TCF7L2: variants seen among roughly 807,000 people sequenced by gnomAD.
The protein encoded by TCF7L2 is transcription factor 7-like 2.
TCF7L2 carries 23 observed loss-of-function variants against 77.9 expected under a neutral mutation model. The observed-to-expected ratio is 0.30, with a 90% CI of 0.21 to 0.42. The LOEUF is 0.42. Ranked by LOEUF, TCF7L2 falls within the 10% of genes least tolerant of loss-of-function variation. The pLI is 1.00. For synonymous variants in TCF7L2, 413 were observed against 340.2 expected (o/e 1.21, Z -2.36); for missense variants, 654 against 793.1 (o/e 0.82, Z 2.11).
intron 6 of TCF7L2, among the ~76,000 whole-genome samples, 182 bp downstream of exon 6, chr10:113,141,498 G>T (rs955699156): frequency 1.3e-5 from 2 of 152,166 alleles, no homozygotes; most frequent in African/African-American, 4.8e-5. Flanking sequence ...GTTGAGGCCT[G>T]GTGTGGCAGT....
At chr10:113,100,210 G>C (rs776644659) in intron 5 of TCF7L2, among the ~76,000 whole-genome samples, 1 of 152,208 alleles carries the variant, frequency 6.6e-6, no homozygotes, top group African/African-American at 2.4e-5. Flanking sequence ...AAAGCATCCC[G>C]AGAGCACGGG....
chr10:112,972,082 A>G (rs1003499123), intron 4 of TCF7L2, among the ~76,000 whole-genome samples: 1 of 152,030 alleles, frequency 6.6e-6, no homozygotes, highest in Non-Finnish European at 1.5e-5. Context: ...GTGATTTTCA[A>G]CCTATTGAAG....
intron 4 of TCF7L2, among the ~76,000 whole-genome samples, chr10:113,010,058 T>C (rs964650068): frequency 3.3e-5 from 5 of 151,692 alleles, no homozygotes; most frequent in African/African-American, 1.2e-4. Context: ...GAACACACCT[T>C]TGGGGATTGG....
intron 4 of TCF7L2, among the ~76,000 whole-genome samples, chr10:113,026,534 T>C (rs1160123795): frequency 1.3e-5 from 2 of 152,180 alleles, no homozygotes; most frequent in Admixed American, 6.5e-5. Context: ...ATCAGGGAGT[T>C]AGGTCCGTCT....
At chr10:113,153,311 C>G (rs1342659849) in intron 11 of TCF7L2, among the ~76,000 whole-genome samples, 1 of 152,230 alleles carries the variant, frequency 6.6e-6, no homozygotes, top group East Asian at 1.9e-4. Context: ...TGAAATGCCT[C>G]TTGTTTTGCC....
Position 112,964,714 on chromosome 10 carries a change from A to ATGATGATG in TCF7L2, c.450+90_450+91insTGATGATG, listed in dbSNP as rs1564718641. 2.0e-4 allele frequency: 188 copies of ATGATGATG among 950,228 alleles called. 1 individual carries two copies. The highest frequency in any genetic ancestry group is 1.4e-3 in the South Asian group (102 of 75,104). The allele number at this position is 950,228 out of a possible 1,614,324, so 58.9% of individuals were successfully genotyped here. Reference sequence around the variant, plus strand: ...CTCCGCCCCTTCCCCCAACTGAGATAATGATGATGATGATGATGATGATGA... The same window carrying ATGATGATG: ...CTCCGCCCCTTCCCCCAACTGAGATATGATGATGATGATGATGATGATGATGATGATGA... On this transcript the variant is annotated intron_variant, in intron 4 of 13. Transcript: ENST00000627217.
intron 6 of TCF7L2, among the ~76,000 whole-genome samples, chr10:113,143,458 A>G (rs1042289622): frequency 6.6e-6 from 1 of 152,256 alleles, no homozygotes; most frequent in Non-Finnish European, 1.5e-5. Flanking sequence ...CAAGGGTAGT[A>G]ACTTTTCAAA....
intron 4 of TCF7L2, among the ~76,000 whole-genome samples, chr10:113,018,857 C>T (rs936345575): frequency 2.0e-5 from 3 of 152,164 alleles, no homozygotes; most frequent in African/African-American, 7.2e-5. Context: ...GTGTACATTT[C>T]CTGGTCACCT....
chr10:112,974,153 A>G (rs1236490550), intron 4 of TCF7L2, among the ~76,000 whole-genome samples: 2 of 152,254 alleles, frequency 1.3e-5, no homozygotes, highest in African/African-American at 4.8e-5. Flanking sequence ...AAATAAAACA[A>G]TCTAGTTTTA....
At chr10:113,113,809 G>C (rs992376176) in intron 5 of TCF7L2, among the ~76,000 whole-genome samples, 12 of 152,090 alleles carry the variant, frequency 7.9e-5, no homozygotes, top group Non-Finnish European at 1.6e-4. Flanking sequence ...TTTTTTAAGA[G>C]AGAGGGGAAT....
intron 13 of TCF7L2, among the ~76,000 whole-genome samples, chr10:113,164,063 A>C (rs192211662): frequency 7.2e-5 from 11 of 152,310 alleles, no homozygotes; most frequent in Admixed American, 2.0e-4. Flanking sequence ...GAGTGTTATC[A>C]GCCATGGTTC....
chr10:113,085,134 A>G (rs759908698), intron 5 of TCF7L2, among the ~76,000 whole-genome samples: 5 of 151,648 alleles, frequency 3.3e-5, no homozygotes, highest in Non-Finnish European at 5.9e-5. Context: ...GGGCACAATC[A>G]TGGCTCACTG....
In TCF7L2 at chr10:113,160,002, GT is replaced by G; in HGVS notation, c.1319-613del. 6.2e-7 allele frequency: 1 copy of G among 1,613,648 alleles called. No individual in the cohort carries two copies. Among genetic ancestry groups the G allele is most frequent in the African/African-American group, 1.3e-5 (1 of 74,954 alleles). On this transcript the variant is annotated intron_variant, in intron 12 of 13. Transcript: ENST00000627217. ...GGTGCGGCCCTTGCAGGTGTGTATAGTTTTCCAGATTCGCTGTGCTGGTTTG... is the reference window on the plus strand; with the variant it reads ...GGTGCGGCCCTTGCAGGTGTGTATAGTTTCCAGATTCGCTGTGCTGGTTTG...
At chr10:113,079,670 T>G (rs1019448566) in intron 5 of TCF7L2, among the ~76,000 whole-genome samples, 1 of 152,142 alleles carries the variant, frequency 6.6e-6, no homozygotes, top group African/African-American at 2.4e-5. Flanking sequence ...ATCCCTTTTT[T>G]TTTCTGAGAC....
chr10:113,030,957 C>T (rs1451897446), intron 4 of TCF7L2, among the ~76,000 whole-genome samples: 1 of 152,164 alleles, frequency 6.6e-6, no homozygotes, highest in Non-Finnish European at 1.5e-5. Flanking sequence ...TCTGTCTCAC[C>T]AGCTCCCTGT....
At chr10:113,121,562 T>C (rs1271126228) in intron 5 of TCF7L2, among the ~76,000 whole-genome samples, 1 of 152,152 alleles carries the variant, frequency 6.6e-6, no homozygotes, top group Non-Finnish European at 1.5e-5. Flanking sequence ...GTTAAGTGAG[T>C]ATCAACATTG....
At chr10:113,037,379 T>G (rs1347878495) in intron 4 of TCF7L2, among the ~76,000 whole-genome samples, 1 of 152,152 alleles carries the variant, frequency 6.6e-6, no homozygotes, top group Non-Finnish European at 1.5e-5. Flanking sequence ...AGGGCTGTCT[T>G]CCTGCACCAT....
At chr10:113,089,270 C>T in intron 5 of TCF7L2, 1 of 1,029,968 alleles carries the variant, frequency 9.7e-7, no homozygotes, top group South Asian at 1.8e-5. Flanking sequence ...GAACTGTAAT[C>T]CCTCTATCAT....
At chr10:113,126,199 T>C (rs1254450938) in intron 5 of TCF7L2, 1 of 152,078 alleles carries the variant, frequency 6.6e-6, no homozygotes, top group Non-Finnish European at 1.5e-5. Context: ...TGATCTATAT[T>C]GGTTTTTGTA....
Sources: allele counts gnomAD v4.1 joint callset (sites outside exome capture counted in the v4.1 genomes callset), GRCh38; gene constraint gnomAD v4.1.1; transcripts MANE v1.5; gene names NCBI Gene and HGNC (gene_info 2026-07-23, HGNC 2026-07-21).